Variants in AKAP12 observed in about 807,000 individuals in gnomAD.
The protein encoded by AKAP12 is A-kinase anchor protein 12.
Under a neutral mutation model 79.9 loss-of-function variants are expected in AKAP12, and 32 were observed. The observed-to-expected ratio is 0.40, with a 90% confidence interval of 0.30 to 0.54. The LOEUF (loss-of-function observed/expected upper bound fraction) is 0.54. AKAP12 is among the 20% of genes least tolerant of loss of function. The probability of loss-of-function intolerance (pLI) is 0.48; values close to 1 mark genes in which losing one functional copy is unlikely to be tolerated. For synonymous variants in AKAP12, 808 were observed against 857.0 expected (o/e 0.94, Z 1.00); for missense variants, 2,074 against 2,177.0 (o/e 0.95, Z 0.94).
intron 3 of AKAP12, among the ~76,000 whole-genome samples, chr6:151,320,453 C>T (rs1368282089): frequency 2.0e-5 from 3 of 152,016 alleles, no homozygotes; most frequent in South Asian, 4.1e-4. Flanking sequence ...CACTGTGGAC[C>T]ACTGTTTCCA....
At chr6:151,345,932 T>TGAGAGAGA (rs56202215) in intron 3 of AKAP12, among the ~76,000 whole-genome samples, 2 of 101,376 alleles carry the variant, frequency 2.0e-5, no homozygotes, top group African/African-American at 8.7e-5. Context: ...TGTGTGTGTG[T>TGAGAGAGA]GAGAGAGAGA....
chr6:151,358,164 A>G lies in AKAP12; in HGVS notation c.*2450A>G, dbSNP rs1438499956. The G allele has an allele frequency of 6.6e-6, 1 of 152,274 alleles. No individual in the cohort carries two copies. The highest frequency in any genetic ancestry group is 2.4e-5 in the African/African-American group (1 of 41,468). 9.4% of individuals were successfully genotyped at this position (152,274 alleles called of 1,614,324 possible). A position where few individuals can be genotyped will look rare whatever the true frequency, so the allele number is the denominator to read the frequency against. On this transcript the variant is annotated 3_prime_UTR_variant, in exon 5 of 5. Coordinates refer to ENST00000402676, the MANE Select transcript of AKAP12 (RefSeq NM_005100.4). ...AAGCTGCTGTTAATTTATGAAGTAC[A>G]TAATAATCTAATGTAAACTGCAGAA... is the stretch of plus-strand genomic sequence containing the variant.
At position 151,325,893 on chromosome 6, in the gene AKAP12, A is replaced by T. The variant is rs200950382; in HGVS notation, c.319+19990A>T. The T allele has an allele frequency of 6.3e-4, 1,017 of 1,614,070 alleles. 2 individuals carry two copies. Among genetic ancestry groups the T allele is most frequent in the Non-Finnish European group, 6.0e-4 (712 of 1,180,028 alleles). ...GGACCATCACCATCACAGGTAAGGC[A>T]CAAGCCAGGTCGCTTTTGTCCTCCC... is the stretch of plus-strand genomic sequence containing the variant. On this transcript the variant is annotated intron_variant, in intron 3 of 4. Coordinates refer to ENST00000402676, the MANE Select transcript of AKAP12 (RefSeq NM_005100.4).
chr6:151,240,826 C>T, intron 2 of AKAP12, 102 bp downstream of exon 2: 2 of 975,940 alleles, frequency 2.0e-6, no homozygotes, highest in Admixed American at 4.6e-5. Flanking sequence ...AACTTCCCAG[C>T]CCATCCAGCC....
intron 2 of AKAP12, among the ~76,000 whole-genome samples, chr6:151,270,619 C>G (rs899543414): frequency 6.6e-6 from 1 of 152,314 alleles, no homozygotes; most frequent in East Asian, 1.9e-4. Flanking sequence ...TTTTCCAAAG[C>G]AGCTGCACCA....
At chr6:151,310,625 A>G (rs939725621) in intron 3 of AKAP12, among the ~76,000 whole-genome samples, 2 of 152,196 alleles carry the variant, frequency 1.3e-5, no homozygotes, top group Non-Finnish European at 2.9e-5. Context: ...ATTCAATCTT[A>G]GTATCTGTTA....
chr6:151,267,193 A>G (rs1776062005), intron 2 of AKAP12, among the ~76,000 whole-genome samples: 1 of 152,132 alleles, frequency 6.6e-6, no homozygotes, highest in African/African-American at 2.4e-5. Context: ...AATATAGCTT[A>G]TAAGTAGGGG....
intron 3 of AKAP12, among the ~76,000 whole-genome samples, chr6:151,313,640 ACAGTG>A (rs1777168784): frequency 6.6e-6 from 1 of 152,216 alleles, no homozygotes; most frequent in Admixed American, 6.5e-5. Context: ...TTCAAGTCTG[ACAGTG>A]CAGTGAACTT....
intron 2 of AKAP12, among the ~76,000 whole-genome samples, chr6:151,249,345 T>C (rs143633407): frequency 0.01 from 1,535 of 152,328 alleles, 15 homozygotes; most frequent in Non-Finnish European, 0.016. Flanking sequence ...ATTTCTTCCA[T>C]TTATTTTTTA....
At position 151,351,785 on chromosome 6, in the gene AKAP12, T is replaced by G. The variant is rs1316116224; in HGVS notation, c.3394T>G (p.Ser1132Ala). Residue 1132 changes from serine (S) to alanine (A), a missense_variant, in exon 4 of 5, where the codon TCC (serine) becomes GCC (alanine). Physicochemically the swap from Ser to Ala is moderately conservative, Grantham distance 99. This residue lies in a region of AKAP12 where 1,428 missense variants were observed against 1,451.0 expected (regional missense o/e 0.98). Transcript: ENST00000402676. This position sits in a 1 kb window ranked among gnomAD's most constrained non-coding sequence, Gnocchi z 4.4. ...TCCTCAAGTCACAGAGAGCATAGAG[T>G]CCAGTGAGCTTGTAACCACTTGTCA... ...KAPQVTESIE[S>A]SELVTTCQAE... is the part of the protein sequence containing the mutation. 6.2e-7 allele frequency: 1 copy of G among 1,613,074 alleles called. No homozygotes were observed. Among genetic ancestry groups the G allele is most frequent in the African/African-American group, 1.3e-5 (1 of 74,616 alleles).
rs1778248418 is a variant in AKAP12, at chr6:151,350,338, A to G, written c.1947A>G (p.Thr649=). The part of the protein sequence containing the change: ...KSATLSSTES[T]ASEMQEEMKG... ...CTACCTTGTCTTCCACCGAGAGCACAGCCTCTGAAATGCAAGAAGAAATGA... is the reference window on the plus strand; with the variant it reads ...CTACCTTGTCTTCCACCGAGAGCACGGCCTCTGAAATGCAAGAAGAAATGA... Residue 649 remains threonine (T), a synonymous_variant, in exon 4 of 5, where the codon ACA becomes ACG. Coordinates refer to ENST00000402676, the MANE Select transcript of AKAP12 (RefSeq NM_005100.4). The surrounding 1 kb of genome is among the most constrained non-coding windows in gnomAD (Gnocchi z 4.8). 1 of 1,613,874 alleles carries G rather than the reference A, an allele frequency of 6.2e-7. No individual in the cohort carries two copies. The highest frequency in any genetic ancestry group is 1.7e-5 in the Admixed American group (1 of 59,998).
intron 2 of AKAP12, among the ~76,000 whole-genome samples, chr6:151,289,555 A>C (rs965686843): frequency 1.3e-5 from 2 of 152,358 alleles, no homozygotes; most frequent in South Asian, 4.1e-4. Context: ...GTCACTTCTT[A>C]AGAAACACTC....
At chr6:151,329,318 G>C (rs1777611667) in intron 3 of AKAP12, among the ~76,000 whole-genome samples, 1 of 152,112 alleles carries the variant, frequency 6.6e-6, no homozygotes, top group South Asian at 2.1e-4. Flanking sequence ...GTTTCGCCAT[G>C]TTGGCCAGGC....
At chr6:151,262,470 A>G (rs901595096) in intron 2 of AKAP12, among the ~76,000 whole-genome samples, 3 of 152,208 alleles carry the variant, frequency 2.0e-5, no homozygotes, top group Non-Finnish European at 2.9e-5. Flanking sequence ...TGCAGACTAC[A>G]GAATCTTGAT....
At chr6:151,293,752 G>A (rs1205797727) in intron 2 of AKAP12, among the ~76,000 whole-genome samples, 1 of 152,132 alleles carries the variant, frequency 6.6e-6, no homozygotes, top group African/African-American at 2.4e-5. Context: ...ATGGTATTGG[G>A]CTTGTTCCCT....
chr6:151,351,081 C>T lies in AKAP12; in HGVS notation c.2690C>T (p.Ala897Val), dbSNP rs143721071. ...GTTCATATGATGGCAGCAGCTGTCG[C>T]TGACGGGACGAGGGCAGCTACCATT... ...SQVHMMAAAV[A>V]DGTRAATIIE... is the part of the protein sequence containing the mutation. The change falls in exon 4 of 5, where the codon GCT becomes GTT. Residue 897 changes from alanine to valine, a missense_variant. Physicochemically the swap from Ala to Val is moderately conservative, Grantham distance 64. Transcript: ENST00000402676. This position sits in a 1 kb window ranked among gnomAD's most constrained non-coding sequence, Gnocchi z 4.4. 9.7e-5 allele frequency: 157 copies of T among 1,614,198 alleles called. No individual in the cohort carries two copies. The highest frequency in any genetic ancestry group is 2.5e-4 in the African/African-American group (19 of 75,062).
In AKAP12 at chr6:151,240,579, C is replaced by G; in HGVS notation, c.17C>G (p.Ser6Cys). MGAGS[S>C]TEQRSPEQPP... ...GGAGGAGCCATGGGCGCCGGGAGCTCCACCGAGCAGCGCAGCCCGGAGCAG... is the reference window on the plus strand; with the variant it reads ...GGAGGAGCCATGGGCGCCGGGAGCTGCACCGAGCAGCGCAGCCCGGAGCAG... Residue 6 changes from serine (S) to cysteine (C), a missense_variant, in exon 2 of 5, where the codon TCC (serine) becomes TGC (cysteine). Ser to Cys is a moderately radical substitution (Grantham distance 112). Coordinates refer to ENST00000402676, the MANE Select transcript of AKAP12 (RefSeq NM_005100.4). 6.9e-7 allele frequency: 1 copy of G among 1,446,556 alleles called. No individual in the cohort carries two copies. 89.6% of individuals were successfully genotyped at this position (1,446,556 alleles called of 1,614,324 possible). A position where few individuals can be genotyped will look rare whatever the true frequency, so the allele number is the denominator to read the frequency against.
chr6:151,307,649 T>C (rs184167917), intron 3 of AKAP12, among the ~76,000 whole-genome samples: 1 of 152,258 alleles, frequency 6.6e-6, no homozygotes, highest in Non-Finnish European at 1.5e-5. Flanking sequence ...CTGTGGCATG[T>C]TTACTGGAGG....
intron 3 of AKAP12, among the ~76,000 whole-genome samples, chr6:151,338,677 C>A (rs917829972): frequency 1.3e-5 from 2 of 152,168 alleles, no homozygotes; most frequent in East Asian, 1.9e-4. Flanking sequence ...TCTCGAACTC[C>A]TGACTCCAGG....
Sources: gnomAD v4.1 joint callset for allele counts (sites outside exome capture counted in the v4.1 genomes callset) on GRCh38, gnomAD v4.1.1 for gene constraint, gnomAD v4.1.1 regional missense constraint, Gnocchi (gnomAD v3.1) non-coding constraint, MANE v1.5 for transcripts, NCBI Gene and HGNC (gene_info 2026-07-23, HGNC 2026-07-21) for gene names.